The following FYN variants were observed in gnomAD, a reference collection of about 807,000 sequenced individuals.
The protein encoded by FYN is FYN proto-oncogene, Src family tyrosine kinase, also known as tyrosine-protein kinase Fyn.
FYN carries 10 observed loss-of-function variants against 70.2 expected under a neutral mutation model. The ratio of observed to expected loss-of-function variants is 0.14; its 90% confidence interval spans 0.09 to 0.24. The LOEUF is 0.24. FYN is among the 10% of genes least tolerant of loss of function. The probability of loss-of-function intolerance (pLI) is 1.00; values close to 1 mark genes in which losing one functional copy is unlikely to be tolerated. For synonymous variants in FYN, 236 were observed against 248.6 expected (o/e 0.95, Z 0.48); for missense variants, 319 against 673.1 (o/e 0.47, Z 5.82).
intron 1 of FYN, among the ~76,000 whole-genome samples, chr6:111,862,024 C>T (rs902508295): frequency 1.3e-5 from 2 of 152,146 alleles, no homozygotes; most frequent in Non-Finnish European, 2.9e-5. Flanking sequence ...ATGGCAGAGG[C>T]ACTCAGTTAA....
intron 12 of FYN, among the ~76,000 whole-genome samples, chr6:111,691,079 A>C (rs1369527210): frequency 6.6e-6 from 1 of 152,240 alleles, no homozygotes; most frequent in East Asian, 1.9e-4. Context: ...ATAGAGAATA[A>C]GCAATCGCCC....
chr6:111,796,191 C>A (rs1460881760), intron 2 of FYN, among the ~76,000 whole-genome samples: 1 of 152,148 alleles, frequency 6.6e-6, no homozygotes, highest in African/African-American at 2.4e-5. Flanking sequence ...TCTTGCCCAC[C>A]ACAAATGTTC....
intron 3 of FYN, among the ~76,000 whole-genome samples, chr6:111,741,686 TC>T (rs1234479846): frequency 6.6e-6 from 1 of 152,214 alleles, no homozygotes; most frequent in East Asian, 1.9e-4. Context: ...TTTGGTCCAA[TC>T]CCACCTCTCG....
At chr6:111,687,418 TTA>T (rs1290337593) in intron 12 of FYN, among the ~76,000 whole-genome samples, 1 of 152,188 alleles carries the variant, frequency 6.6e-6, no homozygotes, top group East Asian at 1.9e-4. Flanking sequence ...GATCCAAAGA[TTA>T]TGTTTCCTTG....
chr6:111,824,506 T>C (rs1772772029), intron 2 of FYN, among the ~76,000 whole-genome samples: 1 of 152,228 alleles, frequency 6.6e-6, no homozygotes, highest in African/African-American at 2.4e-5. Context: ...TAACATCAGA[T>C]GATGTTGTTG....
intron 2 of FYN, among the ~76,000 whole-genome samples, chr6:111,814,810 G>T (rs1021580988): frequency 3.5e-4 from 54 of 152,304 alleles, no homozygotes; most frequent in African/African-American, 1.3e-3. Context: ...TCACATGGAA[G>T]TTCTACTCTA....
chr6:111,775,729 C>T (rs958270105), intron 3 of FYN, among the ~76,000 whole-genome samples: 5 of 152,168 alleles, frequency 3.3e-5, no homozygotes, highest in African/African-American at 1.2e-4. Flanking sequence ...GTCACACACC[C>T]ACCACAGGGA....
intron 3 of FYN, among the ~76,000 whole-genome samples, chr6:111,777,031 C>T (rs1770969171): frequency 6.6e-6 from 1 of 152,222 alleles, no homozygotes; most frequent in Non-Finnish European, 1.5e-5. Context: ...CTAGCCCAGA[C>T]TGAAATACCG....
At chr6:111,759,185 T>G (rs1005876543) in intron 3 of FYN, 4 of 152,366 alleles carry the variant, frequency 2.6e-5, no homozygotes, top group African/African-American at 9.6e-5. Flanking sequence ...CAGGGTCTGG[T>G]AAGGGTTGGG....
intron 12 of FYN, among the ~76,000 whole-genome samples, chr6:111,680,280 G>A (rs1408380819): frequency 6.6e-6 from 1 of 152,204 alleles, no homozygotes; most frequent in South Asian, 2.1e-4. Flanking sequence ...AGGACGAAAG[G>A]GAACACAGTC....
intron 2 of FYN, among the ~76,000 whole-genome samples, chr6:111,800,790 G>C (rs996982667): frequency 6.6e-6 from 1 of 152,120 alleles, no homozygotes; most frequent in Admixed American, 6.5e-5. Flanking sequence ...CACATCTCCA[G>C]TTCTCTCCTC....
At chr6:111,863,317 T>C (rs9398291) in intron 1 of FYN, among the ~76,000 whole-genome samples, 52,284 of 152,186 alleles carry the variant, frequency 0.34, 13,210 homozygotes, top group African/African-American at 0.72. Flanking sequence ...GTACAGGCAA[T>C]ACATCACACA....
intron 3 of FYN, among the ~76,000 whole-genome samples, chr6:111,722,615 A>G (rs1004078723): frequency 1.3e-5 from 2 of 152,338 alleles, no homozygotes; most frequent in Non-Finnish European, 2.9e-5. Context: ...TATCACTTAC[A>G]GCAGTGGTTC....
intron 3 of FYN, among the ~76,000 whole-genome samples, chr6:111,779,121 ATTTTTTTTT>A (rs397934539): frequency 7.9e-4 from 72 of 91,528 alleles, no homozygotes; most frequent in African/African-American, 2.6e-3. Context: ...AGTAGGAGAC[ATTTTTTTTT>A]TTTTTTTTTT....
intron 2 of FYN, among the ~76,000 whole-genome samples, chr6:111,842,012 C>A (rs1280366071): frequency 6.6e-6 from 1 of 151,858 alleles, no homozygotes; most frequent in East Asian, 1.9e-4. Flanking sequence ...CACACACACA[C>A]CCATGCATGC....
At chr6:111,797,665 CATATATATATATATATAT>C (rs57984132) in intron 2 of FYN, among the ~76,000 whole-genome samples, 1,418 of 90,908 alleles carry the variant, frequency 0.016, 38 homozygotes, top group Middle Eastern at 0.025. Flanking sequence ...ATCAAAGTTT[CATATATATATATATATAT>C]ATATATATAT....
intron 2 of FYN, among the ~76,000 whole-genome samples, chr6:111,786,045 A>T (rs1434538199): frequency 1.3e-5 from 2 of 150,668 alleles, no homozygotes; most frequent in Admixed American, 1.3e-4. Context: ...TATACGTGCC[A>T]CATTCTTTTA....
intron 5 of FYN, among the ~76,000 whole-genome samples, chr6:111,709,298 T>C (rs1214644177): frequency 6.6e-6 from 1 of 152,170 alleles, no homozygotes; most frequent in Non-Finnish European, 1.5e-5. Flanking sequence ...CAGACAGATT[T>C]AATCAGGTAG....
chr6:111,809,319 T>C (rs996511375), intron 2 of FYN, among the ~76,000 whole-genome samples: 2 of 152,198 alleles, frequency 1.3e-5, no homozygotes, highest in Non-Finnish European at 2.9e-5. Flanking sequence ...GGCATCGCGA[T>C]TGATTGCCAT....
Sources: gnomAD v4.1 joint callset for allele counts (sites outside exome capture counted in the v4.1 genomes callset) on GRCh38, gnomAD v4.1.1 for gene constraint, MANE v1.5 for transcripts, NCBI Gene and HGNC (gene_info 2026-07-23, HGNC 2026-07-21) for gene names.